The following CYP2C18 variants were observed in gnomAD, a reference collection of about 807,000 sequenced individuals.
CYP2C18 encodes the protein cytochrome P450 family 2 subfamily C member 18, also known as cytochrome P450 2C18.
A neutral mutation model predicts 41.3 loss-of-function variants in CYP2C18; 38 were observed. The observed-to-expected ratio is 0.92, with a 90% CI of 0.71 to 1.21. CYP2C18 has a LOEUF of 1.21. Among genes scored for constraint, CYP2C18 ranks in the 50% most tolerant of loss-of-function variants. The pLI, the probability that CYP2C18 is intolerant of heterozygous loss-of-function variation, is 0.00. For synonymous variants in CYP2C18, 236 were observed against 210.0 expected (o/e 1.12, Z -1.07); for missense variants, 635 against 591.4 (o/e 1.07, Z -0.77).
chr10:94,720,825 C>T (rs753739788), intron 6 of CYP2C18, among the ~76,000 whole-genome samples: 5 of 152,020 alleles, frequency 3.3e-5, no homozygotes, highest in East Asian at 1.9e-4. Flanking sequence ...TCATGGGAGA[C>T]GATTTGTAGC....
intron 4 of CYP2C18, among the ~76,000 whole-genome samples, chr10:94,703,175 G>T (rs113042380): frequency 1.3e-5 from 2 of 152,190 alleles, no homozygotes; most frequent in Non-Finnish European, 2.9e-5. Flanking sequence ...CTGTCAAACC[G>T]TGCTGGGAGG....
At chr10:94,688,894 C>A (rs1846946466) in intron 3 of CYP2C18, among the ~76,000 whole-genome samples, 1 of 152,100 alleles carries the variant, frequency 6.6e-6, no homozygotes, top group Non-Finnish European at 1.5e-5. Context: ...GGAATGACTT[C>A]TTTACATCTT....
intron 8 of CYP2C18, among the ~76,000 whole-genome samples, chr10:94,733,842 C>G (rs140903394): frequency 6.6e-6 from 1 of 152,092 alleles, no homozygotes; most frequent in Non-Finnish European, 1.5e-5. Context: ...TCTGGAGATA[C>G]AAGTATCTGA....
chr10:94,713,764 C>T (rs1178629202), intron 5 of CYP2C18, among the ~76,000 whole-genome samples: 1 of 152,204 alleles, frequency 6.6e-6, no homozygotes, highest in Non-Finnish European at 1.5e-5. Flanking sequence ...ACACTGTCTT[C>T]CACAGTGGTT....
At chr10:94,729,477 A>G (rs1847794787) in intron 7 of CYP2C18, among the ~76,000 whole-genome samples, 2 of 152,118 alleles carry the variant, frequency 1.3e-5, no homozygotes. Context: ...AGTAGTTCTG[A>G]TTTTTAAAAA....
chr10:94,720,054 A>G (rs746197446), intron 5 of CYP2C18, among the ~76,000 whole-genome samples: 1 of 152,136 alleles, frequency 6.6e-6, no homozygotes. Context: ...TGATATCTAT[A>G]TCACCTCTAC....
chr10:94,696,149 C>T (rs1847113061), intron 4 of CYP2C18, among the ~76,000 whole-genome samples: 2 of 152,200 alleles, frequency 1.3e-5, no homozygotes. Flanking sequence ...TCTCCCAGCA[C>T]ACAGCTGGAG....
intron 7 of CYP2C18, among the ~76,000 whole-genome samples, chr10:94,729,280 A>C (rs1437967919): frequency 6.6e-6 from 1 of 152,166 alleles, no homozygotes; most frequent in Non-Finnish European, 1.5e-5. Flanking sequence ...ACCAGTGTGC[A>C]AGTTGATGCA....
At chr10:94,694,758 G>A (rs1003907358) in intron 3 of CYP2C18, among the ~76,000 whole-genome samples, 159 bp from the exon 4 acceptor site, 2 of 152,190 alleles carry the variant, frequency 1.3e-5, no homozygotes, top group Non-Finnish European at 2.9e-5. Flanking sequence ...TAAGGAAAAA[G>A]TGAGGTATTA....
chr10:94,716,627 C>T (rs182699106), intron 5 of CYP2C18, among the ~76,000 whole-genome samples: 15 of 152,054 alleles, frequency 9.9e-5, no homozygotes, highest in East Asian at 1.9e-4. Flanking sequence ...GGAATACGTG[C>T]GATATGGTGC....
At chr10:94,716,821 T>C (rs984420779) in intron 5 of CYP2C18, among the ~76,000 whole-genome samples, 5 of 152,178 alleles carry the variant, frequency 3.3e-5, no homozygotes, top group Non-Finnish European at 7.3e-5. Flanking sequence ...AGTCTAATTA[T>C]CTTCGTAGGT....
rs182850461 is a variant in CYP2C18 at position 94,711,260 on chromosome 10, A to G, written c.819+4300A>G. ...GCTTGTTTACTAGATCAAGTTGACT[A>G]TTACCTCACATCTGGAATATAATAA... On this transcript the variant is annotated intron_variant, in intron 5 of 8. Coordinates refer to ENST00000285979, the MANE Select transcript of CYP2C18 (RefSeq NM_000772.3). Among the ~76,000 whole-genome samples the G allele has an allele frequency of 3.1e-3, 478 of 152,196 alleles. 1 individual carries two copies. The highest frequency in any genetic ancestry group is 5.0e-3 in the Non-Finnish European group (338 of 68,010).
chr10:94,696,103 A>G (rs1045532367), intron 4 of CYP2C18, among the ~76,000 whole-genome samples: 4 of 152,086 alleles, frequency 2.6e-5, no homozygotes, highest in Non-Finnish European at 1.5e-5. Flanking sequence ...GCAGACTTAA[A>G]TGTCCCTGTC....
intron 5 of CYP2C18, among the ~76,000 whole-genome samples, chr10:94,711,054 C>T (rs1484151472): frequency 2.8e-4 from 43 of 152,246 alleles, no homozygotes; most frequent in Non-Finnish European, 5.9e-5. Flanking sequence ...TTATTAATGG[C>T]ATAAACTGCA....
chr10:94,724,376 T>G lies in CYP2C18; in HGVS notation c.992T>G (p.Val331Gly), dbSNP rs1295050785. 1.2e-6 allele frequency: 2 copies of G among 1,613,502 alleles called. No individual in the cohort carries two copies. Residue 331 changes from valine (V) to glycine (G), a missense_variant, in exon 7 of 9, where the codon GTT becomes GGT. Val to Gly is a moderately radical substitution (Grantham distance 109). Transcript: ENST00000285979. ...AKVQEEIECV[V>G]GRNRSPCMQD... is the part of the protein sequence containing the mutation. ...GTCCAGGAAGAGATTGAATGTGTAG[T>G]TGGCAGAAACCGGAGCCCCTGTATG...
intron 3 of CYP2C18, among the ~76,000 whole-genome samples, chr10:94,692,227 A>G (rs1847014275): frequency 6.6e-6 from 1 of 152,122 alleles, no homozygotes; most frequent in Non-Finnish European, 1.5e-5. Flanking sequence ...CACCATGAGA[A>G]TGAACAAGCA....
chr10:94,704,085 A>G (rs1462061212), intron 4 of CYP2C18, among the ~76,000 whole-genome samples: 1 of 151,986 alleles, frequency 6.6e-6, no homozygotes, highest in Non-Finnish European at 1.5e-5. Context: ...TCCCAGTGAG[A>G]TGAACCGGGC....
chr10:94,695,083 A>T lies in CYP2C18; in HGVS notation c.642+6A>T, dbSNP rs771413196. 6.3e-7 allele frequency: 1 copy of T among 1,593,310 alleles called. No homozygotes were observed. Among genetic ancestry groups the T allele is most frequent in the African/African-American group, 1.4e-5 (1 of 73,540 alleles). ...TGAGCTCTCCATGGATCCAGGTGAG[A>T]TCAAGAGCTTCTCTTCCTGAGATAT... On this transcript the variant is annotated splice_donor_region_variant and intron_variant, in intron 4 of 8. Coordinates refer to ENST00000285979, the MANE Select transcript of CYP2C18 (RefSeq NM_000772.3).
At chr10:94,702,268 G>A (rs545461215) in intron 4 of CYP2C18, among the ~76,000 whole-genome samples, 1 of 152,164 alleles carries the variant, frequency 6.6e-6, no homozygotes, top group East Asian at 1.9e-4. Flanking sequence ...TCCTGAATTT[G>A]AATGTTGGCC....
Sources: gnomAD v4.1 joint callset for allele counts (sites outside exome capture counted in the v4.1 genomes callset) on GRCh38, gnomAD v4.1.1 for gene constraint, MANE v1.5 for transcripts, NCBI Gene and HGNC (gene_info 2026-07-23, HGNC 2026-07-21) for gene names.